The following ADAMTS14 variants were observed in gnomAD, a reference collection of about 807,000 sequenced individuals.
The protein encoded by ADAMTS14 is A disintegrin and metalloproteinase with thrombospondin motifs 14.
ADAMTS14 carries 100 observed loss-of-function variants against 128.6 expected under a neutral mutation model. The ratio of observed to expected loss-of-function variants is 0.78; its 90% CI spans 0.66 to 0.92. ADAMTS14 has a LOEUF of 0.92. ADAMTS14 is among the 40% of genes least tolerant of loss of function. ADAMTS14 has a pLI of 0.00. For synonymous variants in ADAMTS14, 665 were observed against 653.8 expected (o/e 1.02, Z -0.26); for missense variants, 1,562 against 1,658.6 (o/e 0.94, Z 1.01).
intron 2 of ADAMTS14, among the ~76,000 whole-genome samples, chr10:70,680,627 AG>A (rs1839775437): frequency 6.6e-6 from 1 of 152,134 alleles, no homozygotes; most frequent in Non-Finnish European, 1.5e-5. Flanking sequence ...GCAGAGGAAC[AG>A]TTGTCTATGG....
At chr10:70,674,294 T>TA (rs1198152222) in intron 1 of ADAMTS14, among the ~76,000 whole-genome samples, 1 of 152,176 alleles carries the variant, frequency 6.6e-6, no homozygotes, top group African/African-American at 2.4e-5. Flanking sequence ...CTCTGTCTGG[T>TA]ATCATTTGCT....
chr10:70,720,765 T>A (rs1841232103), intron 4 of ADAMTS14, among the ~76,000 whole-genome samples: 1 of 152,200 alleles, frequency 6.6e-6, no homozygotes, highest in East Asian at 1.9e-4. Context: ...CCTGTGCATG[T>A]TTAGTCATCG....
At chr10:70,744,236 C>A in intron 14 of ADAMTS14, 47 bp downstream of exon 14, 1 of 1,470,764 alleles carries the variant, frequency 6.8e-7, no homozygotes, top group Non-Finnish European at 9.1e-7. Context: ...GACTGGAGTT[C>A]TTGCCGTCCC....
chr10:70,712,803 T>G (rs1840903226), intron 4 of ADAMTS14, among the ~76,000 whole-genome samples: 1 of 152,154 alleles, frequency 6.6e-6, no homozygotes, highest in South Asian at 2.1e-4. Context: ...GTTTGAGGCC[T>G]GACCAGGTGT....
In ADAMTS14 at chr10:70,713,818, A is replaced by T. The variant is rs576206293; in HGVS notation, c.870+5040A>T. 5.3e-5 allele frequency among the ~76,000 whole-genome samples: 8 copies of T among 152,314 alleles called. No individual in the cohort carries two copies. The East Asian group carries it at 1.5e-3, about 29-fold the overall frequency. ...TGCGGACAGGAAGAATGGCTTCCAC[A>T]GTGGGGGACACAAAAGGAAGAGAAA... On this transcript the variant is annotated intron_variant, in intron 4 of 21. Coordinates refer to ENST00000373207, the MANE Select transcript of ADAMTS14 (RefSeq NM_080722.4).
At chr10:70,685,702 G>A (rs1460436537) in intron 2 of ADAMTS14, among the ~76,000 whole-genome samples, 1 of 152,204 alleles carries the variant, frequency 6.6e-6, no homozygotes, top group East Asian at 1.9e-4. Flanking sequence ...TCAGTGGAAA[G>A]GCCAAGCGTA....
chr10:70,746,724 G>T (rs1386562606), intron 15 of ADAMTS14, among the ~76,000 whole-genome samples: 1 of 152,204 alleles, frequency 6.6e-6, no homozygotes, highest in Admixed American at 6.5e-5. Flanking sequence ...TGAGGCAGGA[G>T]CGTCTCAAAA....
chr10:70,727,678 A>T (rs1041042588), intron 4 of ADAMTS14, among the ~76,000 whole-genome samples: 5 of 152,112 alleles, frequency 3.3e-5, no homozygotes, highest in Non-Finnish European at 5.9e-5. Context: ...TGCTGGCATC[A>T]CATCCCTGAC....
At position 70,760,758 on chromosome 10, in the gene ADAMTS14, C is replaced by T; in HGVS notation, c.3577C>T (p.Gln1193Ter). ...CGGGGGGCTGCCTTGGGGCTGGACT[C>T]AGACACCTACGCCAGTCCCTGAGGA... is the stretch of plus-strand genomic sequence containing the variant. ...TPGGLPWGWT[Q>*]TPTPVPEDKG... Residue 1193 changes from glutamine to a stop codon, truncating the protein, a stop_gained, in exon 22 of 22, where the codon CAG becomes TAG. Coordinates refer to ENST00000373207, the MANE Select transcript of ADAMTS14 (RefSeq NM_080722.4). LOFTEE classifies it low-confidence loss of function (END_TRUNC). The T allele has an allele frequency of 6.2e-7, 1 of 1,613,790 alleles. No homozygotes were observed. The highest frequency in any genetic ancestry group is 8.5e-7 in the Non-Finnish European group (1 of 1,179,918).
At chr10:70,683,188 G>A (rs142729722) in intron 2 of ADAMTS14, among the ~76,000 whole-genome samples, 4 of 152,334 alleles carry the variant, frequency 2.6e-5, no homozygotes, top group African/African-American at 4.8e-5. Flanking sequence ...CCGAGTGGGC[G>A]TGTAGGGGAA....
intron 4 of ADAMTS14, among the ~76,000 whole-genome samples, chr10:70,709,631 G>A (rs1193527054): frequency 1.3e-5 from 2 of 150,006 alleles, no homozygotes; most frequent in African/African-American, 2.5e-5. Flanking sequence ...CTCCCAAGTA[G>A]CTGGGACTAC....
chr10:70,745,029 ACATGTCT>A (rs1390128396), intron 14 of ADAMTS14, among the ~76,000 whole-genome samples, 190 bp from the exon 15 acceptor site: 2 of 152,138 alleles, frequency 1.3e-5, no homozygotes, highest in East Asian at 3.9e-4. Flanking sequence ...AGTTTACAGG[ACATGTCT>A]CATTCGATCC....
intron 3 of ADAMTS14, among the ~76,000 whole-genome samples, chr10:70,704,590 G>A (rs1272701119): frequency 3.5e-5 from 5 of 142,702 alleles, no homozygotes; most frequent in Non-Finnish European, 6.1e-5. Flanking sequence ...GCAAACACAC[G>A]CTCACAAACA....
At chr10:70,688,679 A>T (rs1840070570) in intron 2 of ADAMTS14, among the ~76,000 whole-genome samples, 1 of 113,836 alleles carries the variant, frequency 8.8e-6, no homozygotes, top group Non-Finnish European at 2.0e-5. Flanking sequence ...TGGCCCGGCC[A>T]ACACAGCGAA....
At chr10:70,752,321 G>A in intron 18 of ADAMTS14, 94 bp downstream of exon 18, 1 of 1,513,138 alleles carries the variant, frequency 6.6e-7, no homozygotes, top group Non-Finnish European at 8.9e-7. Flanking sequence ...CTCAGCACTG[G>A]GTTATGGAGA....
At chr10:70,740,059 T>G (rs147804061) in intron 11 of ADAMTS14, among the ~76,000 whole-genome samples, 2 of 152,356 alleles carry the variant, frequency 1.3e-5, no homozygotes, top group East Asian at 3.9e-4. Flanking sequence ...AGCTACCATT[T>G]ATTGAGCTCC....
chr10:70,718,734 C>T lies in ADAMTS14; in HGVS notation c.870+9956C>T, dbSNP rs564394769. ...TCTTGCTTTGTCACCCAGGCAGGAG[C>T]GCAGTGGTGCAATCATGGCTCACTG... On this transcript the variant is annotated intron_variant, in intron 4 of 21. Transcript: ENST00000373207. Among the ~76,000 whole-genome samples, 229 of 148,948 alleles carry T rather than the reference C, an allele frequency of 1.5e-3. 1 individual carries two copies. The highest frequency in any genetic ancestry group is 5.4e-3 in the African/African-American group (216 of 40,312).
Position 70,719,649 on chromosome 10 carries a change from C to T in ADAMTS14, c.871-9645C>T, listed in dbSNP as rs188612688. On this transcript the variant is annotated intron_variant, in intron 4 of 21. Coordinates refer to ENST00000373207, the MANE Select transcript of ADAMTS14 (RefSeq NM_080722.4). ...TCTTGAATTCCTGAGCTCAAACAAT[C>T]CTCCTGCCTCAGCCTCCCAAAGTGC... Among the ~76,000 whole-genome samples, 4 of 152,292 alleles carry T rather than the reference C, an allele frequency of 2.6e-5. No homozygotes were observed. In the East Asian group the frequency reaches 5.8e-4, roughly 22 times the overall value.
intron 2 of ADAMTS14, among the ~76,000 whole-genome samples, chr10:70,677,219 A>G (rs1839670632): frequency 6.6e-6 from 1 of 152,144 alleles, no homozygotes; most frequent in Non-Finnish European, 1.5e-5. Context: ...ATATGGTGAC[A>G]AGTCTTCATG....
Sources: allele counts gnomAD v4.1 joint callset (sites outside exome capture counted in the v4.1 genomes callset), GRCh38; gene constraint gnomAD v4.1.1; transcripts MANE v1.5; gene names NCBI Gene and HGNC (gene_info 2026-07-23, HGNC 2026-07-21).